Variants in ABCC4 observed in about 807,000 individuals in gnomAD.
ABCC4 encodes ATP binding cassette subfamily C member 4 (PEL blood group), also known as ATP-binding cassette sub-family C member 4.
In ABCC4, 102 loss-of-function variants were observed where a neutral mutation model predicts 168.5. That is an observed-to-expected ratio of 0.61 (90% CI 0.52 to 0.71). The LOEUF (loss-of-function observed/expected upper bound fraction) is 0.71. Among genes scored for constraint, ABCC4 ranks in the 30% least tolerant of loss-of-function variants. ABCC4 has a pLI of 0.00. For synonymous variants in ABCC4, 617 were observed against 590.7 expected (o/e 1.04, Z -0.65); for missense variants, 1,402 against 1,605.8 (o/e 0.87, Z 2.17).
chr13:95,210,200 C>T (rs148981363), intron 5 of ABCC4, among the ~76,000 whole-genome samples: 8 of 152,270 alleles, frequency 5.3e-5, no homozygotes, highest in African/African-American at 1.2e-4. Flanking sequence ...GGATACTGGG[C>T]GGGTATGGTG....
chr13:95,111,911 A>T (rs1021392063), intron 20 of ABCC4, among the ~76,000 whole-genome samples: 2 of 152,186 alleles, frequency 1.3e-5, no homozygotes, highest in Admixed American at 1.3e-4. Context: ...CTCCTCTCAG[A>T]TCTACCCCTC....
intron 1 of ABCC4, among the ~76,000 whole-genome samples, chr13:95,298,098 G>A (rs1168165288): frequency 6.6e-6 from 1 of 152,116 alleles, no homozygotes; most frequent in African/African-American, 2.4e-5. Flanking sequence ...AGACCAGCCT[G>A]GCCAACATGG....
At chr13:95,220,822 A>C (rs1177155181) in intron 4 of ABCC4, among the ~76,000 whole-genome samples, 1 of 152,220 alleles carries the variant, frequency 6.6e-6, no homozygotes, top group East Asian at 1.9e-4. Context: ...CTGTTCCTTC[A>C]GCTAATGGGT....
chr13:95,035,762 C>T (rs1003139853), intron 29 of ABCC4, among the ~76,000 whole-genome samples: 12 of 152,100 alleles, frequency 7.9e-5, no homozygotes, highest in Non-Finnish European at 1.5e-4. Context: ...GCCCAAATGA[C>T]GTACCTAGGA....
intron 4 of ABCC4, among the ~76,000 whole-genome samples, chr13:95,217,245 T>G (rs953855373): frequency 3.9e-5 from 6 of 152,226 alleles, no homozygotes; most frequent in Non-Finnish European, 8.8e-5. Flanking sequence ...AAACTGTTTC[T>G]TCTTTCTTGA....
At chr13:95,057,090 GA>G (rs562132466) in intron 26 of ABCC4, among the ~76,000 whole-genome samples, 7 of 152,150 alleles carry the variant, frequency 4.6e-5, no homozygotes, top group Non-Finnish European at 1.0e-4. Context: ...TTCTCCTTGG[GA>G]AGTGCACTTA....
chr13:95,261,949 A>T (rs2138853426), intron 1 of ABCC4, among the ~76,000 whole-genome samples: 1 of 152,040 alleles, frequency 6.6e-6, no homozygotes, highest in African/African-American at 2.4e-5. Context: ...AAAAAAAAAA[A>T]TTTAATTGGC....
intron 1 of ABCC4, among the ~76,000 whole-genome samples, chr13:95,297,047 T>C (rs1204230638): frequency 6.6e-6 from 1 of 151,520 alleles, no homozygotes; most frequent in African/African-American, 2.4e-5. Context: ...GATGCAGGTG[T>C]ATCACCTGAG....
intron 8 of ABCC4, among the ~76,000 whole-genome samples, chr13:95,204,073 G>A (rs1226148449): frequency 3.9e-5 from 6 of 152,090 alleles, no homozygotes; most frequent in Non-Finnish European, 7.3e-5. Flanking sequence ...AGACCTGGCC[G>A]GAGGGCTTAG....
At chr13:95,115,251 A>T (rs920008304) in intron 20 of ABCC4, among the ~76,000 whole-genome samples, 4 of 144,326 alleles carry the variant, frequency 2.8e-5, no homozygotes. Context: ...GTTTTACAGA[A>T]GGTATTTCTG....
intron 19 of ABCC4, among the ~76,000 whole-genome samples, chr13:95,147,673 A>T (rs1450851390): frequency 6.6e-6 from 1 of 152,194 alleles, no homozygotes; most frequent in African/African-American, 2.4e-5. Context: ...AGCATTTTTT[A>T]AAAATAATGT....
At chr13:95,201,770 C>T (rs1490068434) in intron 8 of ABCC4, among the ~76,000 whole-genome samples, 1 of 152,076 alleles carries the variant, frequency 6.6e-6, no homozygotes, top group Non-Finnish European at 1.5e-5. Flanking sequence ...GTCAGGAATT[C>T]GAGACCTGCC....
At chr13:95,292,321 T>G (rs1199325026) in intron 1 of ABCC4, among the ~76,000 whole-genome samples, 1 of 152,150 alleles carries the variant, frequency 6.6e-6, no homozygotes, top group Non-Finnish European at 1.5e-5. Context: ...ATCGCACCAC[T>G]GCAATCCAGC....
At position 95,268,877 on chromosome 13, in the gene ABCC4, G is replaced by A. The variant is rs1235485259; in HGVS notation, c.75-21124C>T. ...TCCTGGCGCGGGTTCTCCGTATTCT[G>A]AGCGGCGGTCCCCTGGGCCCACTTT... is the stretch of plus-strand genomic sequence containing the variant. On this transcript the variant is annotated intron_variant, in intron 1 of 30. Coordinates refer to ENST00000645237, the MANE Select transcript of ABCC4 (RefSeq NM_005845.5). 2.6e-5 allele frequency among the ~76,000 whole-genome samples: 4 copies of A among 152,198 alleles called. No homozygotes were observed. The East Asian group carries it at 7.7e-4, about 29-fold the overall frequency.
chr13:95,070,233 G>T (rs2033680039), intron 25 of ABCC4, among the ~76,000 whole-genome samples: 2 of 152,132 alleles, frequency 1.3e-5, no homozygotes, highest in African/African-American at 4.8e-5. Context: ...GACAGAGCAA[G>T]ACTCTGTCTC....
chr13:95,243,251 GC>G (rs2039993858), intron 3 of ABCC4, among the ~76,000 whole-genome samples: 1 of 152,174 alleles, frequency 6.6e-6, no homozygotes, highest in Non-Finnish European at 1.5e-5. Flanking sequence ...GGACAGAAGA[GC>G]TGTCCCCATA....
chr13:95,063,038 T>C (rs2033362742), intron 25 of ABCC4, among the ~76,000 whole-genome samples, 179 bp from the exon 26 acceptor site: 1 of 152,174 alleles, frequency 6.6e-6, no homozygotes, highest in Non-Finnish European at 1.5e-5. Context: ...ACTTCTTCAT[T>C]TTGGAAGCTG....
At chr13:95,115,345 T>G (rs887036049) in intron 20 of ABCC4, among the ~76,000 whole-genome samples, 3 of 151,948 alleles carry the variant, frequency 2.0e-5, no homozygotes, top group Non-Finnish European at 2.9e-5. Flanking sequence ...ATTTTCTGAG[T>G]TGACTTTGAT....
intron 1 of ABCC4, among the ~76,000 whole-genome samples, chr13:95,271,776 A>G (rs539679211): frequency 8.8e-4 from 134 of 152,258 alleles, no homozygotes; most frequent in Non-Finnish European, 1.1e-3. Context: ...ATAGCTCTGC[A>G]CGAAACTGGA....
Sources: allele counts gnomAD v4.1 joint callset (sites outside exome capture counted in the v4.1 genomes callset), GRCh38; gene constraint gnomAD v4.1.1; transcripts MANE v1.5; gene names NCBI Gene and HGNC (gene_info 2026-07-23, HGNC 2026-07-21).